Variants in LRP8 observed in about 807,000 individuals in gnomAD.
LRP8 encodes the protein low-density lipoprotein receptor-related protein 8.
Under a neutral mutation model 111.6 loss-of-function variants are expected in LRP8, and 46 were observed. That is an observed-to-expected ratio of 0.41 (90% CI 0.33 to 0.53). The LOEUF is 0.53. Among genes scored for constraint, LRP8 ranks in the 20% least tolerant of loss-of-function variants. The probability of loss-of-function intolerance (pLI) is 0.20; values close to 1 mark genes in which losing one functional copy is unlikely to be tolerated. For synonymous variants in LRP8, 464 were observed against 511.2 expected (o/e 0.91, Z 1.24); for missense variants, 959 against 1,297.4 (o/e 0.74, Z 4.01).
At chr1:53,300,754 A>G (rs996772558) in intron 2 of LRP8, among the ~76,000 whole-genome samples, 1 of 152,180 alleles carries the variant, frequency 6.6e-6, no homozygotes, top group Non-Finnish European at 1.5e-5. Flanking sequence ...GGTGTGAGAA[A>G]GCCCTTCACA....
At chr1:53,312,942 T>C (rs1233251257) in intron 2 of LRP8, among the ~76,000 whole-genome samples, 1 of 152,178 alleles carries the variant, frequency 6.6e-6, no homozygotes, top group Non-Finnish European at 1.5e-5. Flanking sequence ...GCGTTTTCGC[T>C]GAAAAGAGAG....
intron 2 of LRP8, among the ~76,000 whole-genome samples, chr1:53,296,027 A>T (rs970288128): frequency 2.0e-5 from 3 of 152,134 alleles, no homozygotes; most frequent in African/African-American, 7.2e-5. Context: ...TTCACAGAGC[A>T]TGGAGCCCAG....
intron 15 of LRP8, 68 bp downstream of exon 15, chr1:53,257,172 A>T (rs182955171): frequency 4.2e-6 from 6 of 1,439,116 alleles, no homozygotes; most frequent in Non-Finnish European, 5.8e-6. Context: ...GTCTTATCAC[A>T]TACCCCCTTC....
chr1:53,327,764 C>A, intron 1 of LRP8, 25 bp downstream of exon 1: 1 of 1,490,894 alleles, frequency 6.7e-7, no homozygotes, highest in Non-Finnish European at 8.9e-7. Flanking sequence ...GGAGCAGAGC[C>A]GAGTCAGAGA....
intron 9 of LRP8, among the ~76,000 whole-genome samples, chr1:53,265,169 C>T (rs1646504114): frequency 6.6e-6 from 1 of 152,172 alleles, no homozygotes; most frequent in South Asian, 2.1e-4. Context: ...AGTAGACACT[C>T]AGGAGGCAAC....
intron 15 of LRP8, among the ~76,000 whole-genome samples, chr1:53,256,377 C>T (rs1320461300): frequency 6.6e-6 from 1 of 152,250 alleles, no homozygotes; most frequent in Non-Finnish European, 1.5e-5. Flanking sequence ...ATATTAAAAC[C>T]TAGAGCATGA....
chr1:53,281,748 A>G (rs889398596), intron 3 of LRP8, among the ~76,000 whole-genome samples: 2 of 152,172 alleles, frequency 1.3e-5, no homozygotes, highest in Non-Finnish European at 2.9e-5. Context: ...GGATAATACT[A>G]TCTCTCATAG....
rs553446297 is a variant in LRP8, at chr1:53,249,452, C to G, written c.2781G>C (p.Pro927=). ...APALKELFVL[P]GEPRSQLHQL... The stretch of plus-strand genomic sequence containing the variant: ...GGTGCAGCTGTGACCTTGGTTCCCC[C>G]GGCAAGACAAAAAGCTCCTTGAGGG... Residue 927 remains proline, a synonymous_variant, in exon 18 of 19, where the codon CCG becomes CCC. Coordinates refer to ENST00000306052, the MANE Select transcript of LRP8 (RefSeq NM_004631.5). The surrounding 1 kb of genome is among the most constrained non-coding windows in gnomAD (Gnocchi z 4.1). The G allele has an allele frequency of 6.2e-7, 1 of 1,614,202 alleles. No individual in the cohort carries two copies. The highest frequency in any genetic ancestry group is 8.5e-7 in the Non-Finnish European group (1 of 1,180,030).
rs1645715548 is a variant in LRP8 at position 53,245,911 on chromosome 1, C to T, written c.*1107G>A. Reference sequence around the variant, plus strand: ...ACTTGGGCTGATCTGGAAACGTCTCCACTTAGCTCTGTAAGGATGGCACCC... The same window carrying T: ...ACTTGGGCTGATCTGGAAACGTCTCTACTTAGCTCTGTAAGGATGGCACCC... On this transcript the variant is annotated 3_prime_UTR_variant, in exon 19 of 19. Coordinates refer to ENST00000306052, the MANE Select transcript of LRP8 (RefSeq NM_004631.5). 1 of 152,636 alleles carries T rather than the reference C, an allele frequency of 6.6e-6. No individual in the cohort carries two copies. The highest frequency in any genetic ancestry group is 1.5e-5 in the Non-Finnish European group (1 of 68,042). 9.5% of individuals were successfully genotyped at this position (152,636 alleles called of 1,614,324 possible).
intron 2 of LRP8, among the ~76,000 whole-genome samples, chr1:53,301,789 C>T (rs1054749075): frequency 1.3e-5 from 2 of 151,522 alleles, no homozygotes; most frequent in Admixed American, 1.3e-4. Flanking sequence ...AGGACCAGAA[C>T]GCAGGTTGTT....
intron 2 of LRP8, among the ~76,000 whole-genome samples, chr1:53,324,993 T>C (rs1448778296): frequency 6.6e-6 from 1 of 152,222 alleles, no homozygotes; most frequent in Non-Finnish European, 1.5e-5. Context: ...AAATTTCTGC[T>C]TTTCACAGCC....
Position 53,279,620 on chromosome 1 carries a change from T to G in LRP8, c.496+967A>C, listed in dbSNP as rs1456422583. 6.6e-6 allele frequency among the ~76,000 whole-genome samples: 1 copy of G among 152,182 alleles called. No individual in the cohort carries two copies. Among genetic ancestry groups the G allele is most frequent in the Non-Finnish European group, 1.5e-5 (1 of 68,030 alleles). Reference sequence around the variant, plus strand: ...CTTAAAGTGTGACGACTCAGACACCTCTGGAGGAGATGGCATTTTCCCTGG... The same window carrying G: ...CTTAAAGTGTGACGACTCAGACACCGCTGGAGGAGATGGCATTTTCCCTGG... On this transcript the variant is annotated intron_variant, in intron 4 of 18. Transcript: ENST00000306052. This position sits in a 1 kb window ranked among gnomAD's most constrained non-coding sequence, Gnocchi z 4.4.
chr1:53,297,167 C>T lies in LRP8; in HGVS notation c.245-7478G>A, dbSNP rs563379631. Reference sequence around the variant, plus strand: ...AACATTGCAAACAGCTTCCACATGGCTCTGCTTCTGACACTCTAGGGACCT... The same window carrying T: ...AACATTGCAAACAGCTTCCACATGGTTCTGCTTCTGACACTCTAGGGACCT... On this transcript the variant is annotated intron_variant, in intron 2 of 18. Transcript: ENST00000306052. Among the ~76,000 whole-genome samples the T allele has an allele frequency of 6.6e-5, 10 of 152,314 alleles. No individual in the cohort carries two copies. In the South Asian group the frequency reaches 2.1e-3, roughly 32 times the overall value.
intron 3 of LRP8, among the ~76,000 whole-genome samples, chr1:53,285,322 G>A (rs113463907): frequency 0.018 from 2,768 of 152,228 alleles, 97 homozygotes; most frequent in African/African-American, 0.062. Flanking sequence ...GGAGGAAGGG[G>A]ACTCACTGAG....
intron 6 of LRP8, among the ~76,000 whole-genome samples, chr1:53,272,977 G>A (rs760634234): frequency 7.2e-5 from 11 of 152,212 alleles, no homozygotes; most frequent in Admixed American, 7.2e-4. Context: ...GGCCCTGAAA[G>A]GGGGAAGGGG....
chr1:53,273,583 C>T (rs192322011), intron 6 of LRP8, among the ~76,000 whole-genome samples: 4 of 152,220 alleles, frequency 2.6e-5, no homozygotes, highest in East Asian at 1.9e-4. Context: ...TAGTCCCTGG[C>T]TACTCCAAAT....
chr1:53,304,211 AAG>A (rs1651524595), intron 2 of LRP8, among the ~76,000 whole-genome samples: 1 of 152,192 alleles, frequency 6.6e-6, no homozygotes, highest in South Asian at 2.1e-4. Flanking sequence ...AAAACCCCCA[AAG>A]AGAGTGTGAT....
intron 2 of LRP8, among the ~76,000 whole-genome samples, chr1:53,298,699 G>A (rs1165634367): frequency 1.3e-5 from 2 of 152,146 alleles, no homozygotes; most frequent in African/African-American, 4.8e-5. Flanking sequence ...CTACCCCAGT[G>A]GAAACGTGGC....
In LRP8 at chr1:53,275,366, C is replaced by T. The variant is rs573969556; in HGVS notation, c.1006+265G>A. On this transcript the variant is annotated intron_variant, in intron 6 of 18. Coordinates refer to ENST00000306052, the MANE Select transcript of LRP8 (RefSeq NM_004631.5). The surrounding 1 kb of genome is among the most constrained non-coding windows in gnomAD (Gnocchi z 4.4). ...AGCCACTCACCAGCTGGGACCTGGA[C>T]AAGTGGTGGGGGCTGGACTTCCCAA... Among the ~76,000 whole-genome samples, 2 of 152,168 alleles carry T rather than the reference C, an allele frequency of 1.3e-5. No individual in the cohort carries two copies. Among genetic ancestry groups the T allele is most frequent in the African/African-American group, 4.8e-5 (2 of 41,434 alleles).
Sources: gnomAD v4.1 joint callset for allele counts (sites outside exome capture counted in the v4.1 genomes callset) on GRCh38, gnomAD v4.1.1 for gene constraint, Gnocchi (gnomAD v3.1) non-coding constraint, MANE v1.5 for transcripts, NCBI Gene and HGNC (gene_info 2026-07-23, HGNC 2026-07-21) for gene names.